The following GABRA5 variants were observed in gnomAD, a reference collection of about 807,000 sequenced individuals.
GABRA5 encodes gamma-aminobutyric acid receptor subunit alpha-5.
GABRA5 carries 18 observed loss-of-function variants against 47.3 expected under a neutral mutation model. That is an observed-to-expected ratio of 0.38 (90% confidence interval 0.26 to 0.56). The LOEUF is 0.56. Among genes scored for constraint, GABRA5 ranks in the 20% least tolerant of loss-of-function variants. GABRA5 has a pLI of 0.71. For synonymous variants in GABRA5, 237 were observed against 229.3 expected, an observed-to-expected ratio of 1.03 and a Z score of -0.30; for missense variants, 365 against 599.3, an observed-to-expected ratio of 0.61 and a Z score of 4.08.
intron 6 of GABRA5, among the ~76,000 whole-genome samples, chr15:26,895,612 A>ACCAT: frequency 6.6e-6 from 1 of 152,006 alleles, no homozygotes; most frequent in Non-Finnish European, 1.5e-5. Context: ...GGAGATCGAC[A>ACCAT]CCATCCTGGC....
In GABRA5 at chr15:26,883,460, T is replaced by G; in HGVS notation, c.400T>G (p.Phe134Val). The part of the protein sequence containing the change: ...LASKIWTPDT[F>V]FHNGKKSIAH... Reference sequence around the variant, plus strand: ...CAGCAAGATCTGGACCCCAGACACGTTCTTCCACAACGGGAAGAAGTCCAT... The same window carrying G: ...CAGCAAGATCTGGACCCCAGACACGGTCTTCCACAACGGGAAGAAGTCCAT... The change falls in exon 6 of 11, where the codon TTC (phenylalanine) becomes GTC (valine). Residue 134 changes from phenylalanine (F) to valine (V), a missense_variant. Physicochemically the swap from Phe to Val is conservative, Grantham distance 50. Coordinates refer to ENST00000335625, the MANE Select transcript of GABRA5 (RefSeq NM_000810.4). The surrounding 1 kb of genome is among the most constrained non-coding windows in gnomAD (Gnocchi z 4.8). The G allele has an allele frequency of 6.2e-7, 1 of 1,614,128 alleles. No homozygotes were observed. The highest frequency in any genetic ancestry group is 8.5e-7 in the Non-Finnish European group (1 of 1,180,002).
intron 3 of GABRA5, among the ~76,000 whole-genome samples, chr15:26,876,944 G>A (rs1566863507): frequency 6.6e-6 from 1 of 152,174 alleles, no homozygotes; most frequent in Non-Finnish European, 1.5e-5. Flanking sequence ...GGTGGGAGAG[G>A]TGGCTCTGGC....
chr15:26,935,517 C>T (rs1894216530), intron 7 of GABRA5, among the ~76,000 whole-genome samples: 1 of 152,210 alleles, frequency 6.6e-6, no homozygotes, highest in African/African-American at 2.4e-5. Context: ...CCACAGCTCT[C>T]CTTGCTGGCA....
intron 6 of GABRA5, among the ~76,000 whole-genome samples, chr15:26,893,822 G>C (rs1004379975): frequency 3.3e-5 from 5 of 152,070 alleles, no homozygotes; most frequent in African/African-American, 1.2e-4. Context: ...GGCTGGGCCA[G>C]GGGACCCGCG....
intron 7 of GABRA5, among the ~76,000 whole-genome samples, chr15:26,931,890 G>A (rs928522617): frequency 6.6e-6 from 1 of 152,126 alleles, no homozygotes; most frequent in Non-Finnish European, 1.5e-5. Context: ...TCTTAAATAT[G>A]AAAGAGTCAA....
chr15:26,878,955 A>G (rs559587364), intron 3 of GABRA5, among the ~76,000 whole-genome samples: 9 of 152,306 alleles, frequency 5.9e-5, no homozygotes, highest in Admixed American at 6.5e-5. Context: ...GAGCCACGGA[A>G]AACAACGCTC....
In GABRA5 at chr15:26,895,361, G is replaced by A. The variant is rs147582777; in HGVS notation, c.497+11804G>A. ...ATTTGTAGCTTGTGGACTAACTTGC[G>A]CATTCGTAATTCCACTTCTGTGCCT... On this transcript the variant is annotated intron_variant, in intron 6 of 10. Coordinates refer to ENST00000335625, the MANE Select transcript of GABRA5 (RefSeq NM_000810.4). Among the ~76,000 whole-genome samples the A allele has an allele frequency of 3.3e-3, 498 of 152,142 alleles. 3 individuals are homozygous for A. Among genetic ancestry groups the A allele is most frequent in the African/African-American group, 0.011 (460 of 41,514 alleles).
intron 10 of GABRA5, among the ~76,000 whole-genome samples, chr15:26,945,365 T>C (rs1894486590): frequency 6.6e-6 from 1 of 152,218 alleles, no homozygotes; most frequent in African/African-American, 2.4e-5. Flanking sequence ...GTGTTCACCA[T>C]TGTTCCAAGT....
At chr15:26,896,904 A>G (rs1280948023) in intron 6 of GABRA5, among the ~76,000 whole-genome samples, 1 of 151,754 alleles carries the variant, frequency 6.6e-6, no homozygotes, top group Non-Finnish European at 1.5e-5. Flanking sequence ...TTATTATGTG[A>G]ATTTAAGCAG....
At chr15:26,914,585 G>A (rs1175988717) in intron 6 of GABRA5, among the ~76,000 whole-genome samples, 3 of 152,200 alleles carry the variant, frequency 2.0e-5, no homozygotes. Context: ...CACACCCTAA[G>A]CCACCGAAGT....
chr15:26,918,447 C>T (rs1245401533), intron 7 of GABRA5, among the ~76,000 whole-genome samples: 1 of 152,248 alleles, frequency 6.6e-6, no homozygotes, highest in South Asian at 2.1e-4. Context: ...GTGTATTCTG[C>T]TGCAGGTGAA....
chr15:26,913,633 A>T (rs1893651223), intron 6 of GABRA5, among the ~76,000 whole-genome samples: 1 of 152,196 alleles, frequency 6.6e-6, no homozygotes, highest in East Asian at 1.9e-4. Context: ...CTTGAAGTTG[A>T]ACGTTTTGTA....
intron 6 of GABRA5, among the ~76,000 whole-genome samples, chr15:26,893,851 G>A (rs1003723307): frequency 6.6e-6 from 1 of 152,086 alleles, no homozygotes; most frequent in Non-Finnish European, 1.5e-5. Context: ...AGCATGGACC[G>A]GGGCGTCAGA....
At chr15:26,941,015 C>T (rs1173648850) in intron 9 of GABRA5, among the ~76,000 whole-genome samples, 2 of 152,208 alleles carry the variant, frequency 1.3e-5, no homozygotes, top group South Asian at 2.1e-4. Context: ...AAAATATTAG[C>T]GTGCATTTTA....
intron 7 of GABRA5, among the ~76,000 whole-genome samples, chr15:26,924,212 C>T (rs1566881492): frequency 2.1e-5 from 3 of 145,484 alleles, no homozygotes; most frequent in African/African-American, 2.6e-5. Context: ...GGTACAGCCT[C>T]GTTACCACTG....
At chr15:26,909,643 C>T (rs184039572) in intron 6 of GABRA5, among the ~76,000 whole-genome samples, 7 of 152,246 alleles carry the variant, frequency 4.6e-5, no homozygotes, top group Non-Finnish European at 7.4e-5. Context: ...CACTTTGCAC[C>T]GACCTCTGCT....
Position 26,883,734 on chromosome 15 carries a change from T to C in GABRA5, c.497+177T>C, listed in dbSNP as rs889819586. Among the ~76,000 whole-genome samples, 3 of 152,236 alleles carry C rather than the reference T, an allele frequency of 2.0e-5. No individual in the cohort carries two copies. Among genetic ancestry groups the C allele is most frequent in the African/African-American group, 7.2e-5 (3 of 41,472 alleles). ...CCCACACCAGCGCTCTTGGACGTTC[T>C]TTCCCAGGGCTGCCATAGGTCCGTG... is the stretch of plus-strand genomic sequence containing the variant. On this transcript the variant is annotated intron_variant, in intron 6 of 10. Coordinates refer to ENST00000335625, the MANE Select transcript of GABRA5 (RefSeq NM_000810.4). This position sits in a 1 kb window ranked among gnomAD's most constrained non-coding sequence, Gnocchi z 4.8.
intron 7 of GABRA5, among the ~76,000 whole-genome samples, chr15:26,924,667 T>C (rs1355434467): frequency 6.6e-6 from 1 of 152,208 alleles, no homozygotes; most frequent in Admixed American, 6.5e-5. Context: ...AAGTCTTAGC[T>C]GTCTGTTCAG....
chr15:26,905,098 C>T (rs1893412788), intron 6 of GABRA5, among the ~76,000 whole-genome samples: 2 of 152,074 alleles, frequency 1.3e-5, no homozygotes, highest in Admixed American at 1.3e-4. Flanking sequence ...GTGGATTTGT[C>T]ATAGATGGCT....
Sources: allele counts gnomAD v4.1 joint callset (sites outside exome capture counted in the v4.1 genomes callset), GRCh38; gene constraint gnomAD v4.1.1; non-coding constraint Gnocchi (gnomAD v3.1); transcripts MANE v1.5; gene names NCBI Gene and HGNC (gene_info 2026-07-23, HGNC 2026-07-21).